GHR: variants seen among roughly 807,000 people sequenced by gnomAD.
GHR encodes GH receptor.
A neutral mutation model predicts 67.1 loss-of-function variants in GHR; 35 were observed. That is an observed-to-expected ratio of 0.52 (90% CI 0.40 to 0.69). The LOEUF is 0.69. Ranked by LOEUF, GHR falls within the 30% of genes least tolerant of loss-of-function variation. The pLI, the probability that GHR is intolerant of heterozygous loss-of-function variation, is 0.00. For synonymous variants in GHR, 272 were observed against 269.1 expected (o/e 1.01, Z -0.10); for missense variants, 792 against 764.6 (o/e 1.04, Z -0.42).
At chr5:42,512,721 C>G (rs1747070674) in intron 1 of GHR, among the ~76,000 whole-genome samples, 1 of 152,136 alleles carries the variant, frequency 6.6e-6, no homozygotes, top group Non-Finnish European at 1.5e-5. Flanking sequence ...CTACACTTGA[C>G]TATCAGGCTG....
chr5:42,549,477 G>A (rs1483027030), intron 1 of GHR: 1 of 153,200 alleles, frequency 6.5e-6, no homozygotes, highest in Admixed American at 6.5e-5. Context: ...AAGTAGAGAG[G>A]AGAGGCACCT....
intron 2 of GHR, chr5:42,619,701 G>A (rs994356540): frequency 4.6e-5 from 7 of 152,144 alleles, no homozygotes; most frequent in African/African-American, 1.7e-4. Context: ...AGAAATGTTG[G>A]ATGGAAATTG....
intron 1 of GHR, among the ~76,000 whole-genome samples, chr5:42,509,688 A>G (rs918400650): frequency 2.1e-4 from 31 of 149,672 alleles, no homozygotes; most frequent in Admixed American, 2.0e-3. Context: ...TGTCACCCCA[A>G]CTTCTATTAG....
At chr5:42,450,982 G>T (rs1263800613) in intron 1 of GHR, among the ~76,000 whole-genome samples, 1 of 152,106 alleles carries the variant, frequency 6.6e-6, no homozygotes, top group African/African-American at 2.4e-5. Flanking sequence ...TTCCGCAGTT[G>T]TCTGAGAGGA....
intron 6 of GHR, among the ~76,000 whole-genome samples, chr5:42,702,722 T>C (rs1438531225): frequency 6.6e-6 from 1 of 152,044 alleles, no homozygotes; most frequent in Non-Finnish European, 1.5e-5. Flanking sequence ...CTCTTCTTTT[T>C]TTGAAAATAG....
At chr5:42,556,561 T>A (rs1484627342) in intron 1 of GHR, among the ~76,000 whole-genome samples, 6 of 152,322 alleles carry the variant, frequency 3.9e-5, no homozygotes, top group Non-Finnish European at 7.4e-5. Flanking sequence ...AGAGGTTTCA[T>A]TTTTCAAATT....
chr5:42,660,441 T>C (rs1387641301), intron 3 of GHR, among the ~76,000 whole-genome samples: 2 of 152,190 alleles, frequency 1.3e-5, no homozygotes, highest in Non-Finnish European at 2.9e-5. Flanking sequence ...GGCAGCAGCA[T>C]TCAAGGTTCA....
At chr5:42,510,372 C>A (rs1443463092) in intron 1 of GHR, among the ~76,000 whole-genome samples, 2 of 152,170 alleles carry the variant, frequency 1.3e-5, no homozygotes, top group South Asian at 4.1e-4. Context: ...CTACTCAAAG[C>A]CTTCTAATGC....
At chr5:42,512,226 C>T (rs925932820) in intron 1 of GHR, among the ~76,000 whole-genome samples, 1 of 152,024 alleles carries the variant, frequency 6.6e-6, no homozygotes, top group Non-Finnish European at 1.5e-5. Context: ...CTGATGAAAA[C>T]AATGTGAGAA....
chr5:42,685,803 G>T (rs1171745730), intron 3 of GHR, among the ~76,000 whole-genome samples: 9 of 151,784 alleles, frequency 5.9e-5, no homozygotes, highest in African/African-American at 1.9e-4. Flanking sequence ...TTTTTTTCTT[G>T]TAAATTTATT....
rs6867621 is a variant in GHR at position 42,701,023 on chromosome 5, T to G, written c.618+1021T>G. Among the ~76,000 whole-genome samples, 321 of 152,248 alleles carry G rather than the reference T, an allele frequency of 2.1e-3. 1 individual carries two copies. Among genetic ancestry groups the G allele is most frequent in the African/African-American group, 7.6e-3 (316 of 41,548 alleles). ...CATTATTTAACAACAGGTACTGAAA[T>G]AACTACTATGCAGAAGGCACTGTGC... On this transcript the variant is annotated intron_variant, in intron 6 of 9. Coordinates refer to ENST00000230882, the MANE Select transcript of GHR (RefSeq NM_000163.5).
intron 1 of GHR, among the ~76,000 whole-genome samples, chr5:42,563,441 C>T (rs1413734359): frequency 4.0e-5 from 6 of 151,680 alleles, no homozygotes; most frequent in African/African-American, 2.4e-5. Flanking sequence ...ATGGTGAAAC[C>T]CCGTCTCTAC....
intron 1 of GHR, among the ~76,000 whole-genome samples, chr5:42,529,464 T>C (rs964428604): frequency 6.6e-6 from 1 of 152,246 alleles, no homozygotes; most frequent in African/African-American, 2.4e-5. Context: ...TCTTCTTTAC[T>C]TGTTAAAATC....
intron 2 of GHR, among the ~76,000 whole-genome samples, chr5:42,608,203 C>T: frequency 6.6e-6 from 1 of 152,236 alleles, no homozygotes; most frequent in Non-Finnish European, 1.5e-5. Context: ...GAAAATTCTT[C>T]TTAAACAATA....
intron 1 of GHR, among the ~76,000 whole-genome samples, chr5:42,486,774 G>A (rs1229729793): frequency 6.6e-6 from 1 of 151,726 alleles, no homozygotes; most frequent in African/African-American, 2.4e-5. Flanking sequence ...GTGAACCCAG[G>A]AGGCGGAGCT....
intron 1 of GHR, among the ~76,000 whole-genome samples, chr5:42,474,433 A>G (rs753388677): frequency 3.6e-4 from 55 of 152,182 alleles, no homozygotes; most frequent in Admixed American, 9.8e-4. Flanking sequence ...TTAGGATGGC[A>G]GTGTGCTCTA....
At chr5:42,479,937 T>A (rs1237576923) in intron 1 of GHR, among the ~76,000 whole-genome samples, 1 of 152,188 alleles carries the variant, frequency 6.6e-6, no homozygotes, top group African/African-American at 2.4e-5. Flanking sequence ...AGCTTTTGAA[T>A]ATGTTTGCTC....
chr5:42,657,294 G>A (rs1755304840), intron 3 of GHR, among the ~76,000 whole-genome samples: 1 of 152,096 alleles, frequency 6.6e-6, no homozygotes, highest in African/African-American at 2.4e-5. Context: ...TGAAATGGTA[G>A]GTCCAGGTGA....
At chr5:42,534,417 T>G (rs533806109) in intron 1 of GHR, among the ~76,000 whole-genome samples, 1 of 141,900 alleles carries the variant, frequency 7.0e-6, no homozygotes, top group South Asian at 2.4e-4. Context: ...TGTGTATATA[T>G]GTATGTATAT....
Sources: gnomAD v4.1 joint callset for allele counts (sites outside exome capture counted in the v4.1 genomes callset) on GRCh38, gnomAD v4.1.1 for gene constraint, MANE v1.5 for transcripts, NCBI Gene and HGNC (gene_info 2026-07-23, HGNC 2026-07-21) for gene names.